CEP43: variants seen among roughly 807,000 people sequenced by gnomAD.
CEP43 encodes the protein FGFR1 oncogene partner.
In CEP43, 36 loss-of-function variants were observed where a neutral mutation model predicts 52.6. The observed-to-expected ratio is 0.68, with a 90% CI of 0.52 to 0.90. The LOEUF (loss-of-function observed/expected upper bound fraction) is 0.90, where lower values mean the gene tolerates loss of function less well. Ranked by LOEUF, CEP43 falls within the 40% of genes least tolerant of loss-of-function variation. CEP43 has a pLI of 0.00. For synonymous variants in CEP43, 192 were observed against 172.4 expected, an observed-to-expected ratio of 1.11 and a Z score of -0.89; for missense variants, 506 against 472.8, an observed-to-expected ratio of 1.07 and a Z score of -0.65.
Position 167,041,668 on chromosome 6 carries a change from G to T in CEP43, c.*1690G>T, listed in dbSNP as rs1003738466. The T allele has an allele frequency of 1.7e-5, 18 of 1,043,164 alleles. No homozygotes were observed. In the African/African-American group the frequency reaches 2.8e-4, roughly 16 times the overall value. 64.6% of individuals were successfully genotyped at this position (1,043,164 alleles called of 1,614,324 possible). A position where few individuals can be genotyped will look rare whatever the true frequency, so the allele number is the denominator to read the frequency against. The stretch of plus-strand genomic sequence containing the variant: ...GTGAAATGATTTGAAAGCATAGCAG[G>T]ATGTGGCTTTTTAAATTTATGAAAC... On this transcript the variant is annotated 3_prime_UTR_variant, in exon 13 of 13. Transcript: ENST00000366847.
In CEP43 at chr6:167,043,501, C is replaced by T. The variant is rs1780744098; in HGVS notation, c.*3523C>T. The T allele has an allele frequency of 6.6e-6, 1 of 152,032 alleles. No homozygotes were observed. The highest frequency in any genetic ancestry group is 2.1e-4 in the South Asian group (1 of 4,814). 9.4% of individuals were successfully genotyped at this position (152,032 alleles called of 1,614,324 possible). On this transcript the variant is annotated 3_prime_UTR_variant, in exon 13 of 13. Transcript: ENST00000366847. ...GTTCAAGTGATTCTCCTGCCTCAGCCTCCCAAGTAGCTGAGATTACAGGTG... is the reference window on the plus strand; with the variant it reads ...GTTCAAGTGATTCTCCTGCCTCAGCTTCCCAAGTAGCTGAGATTACAGGTG...
At chr6:167,034,721 A>G (rs992115928) in intron 12 of CEP43, among the ~76,000 whole-genome samples, 3 of 152,246 alleles carry the variant, frequency 2.0e-5, no homozygotes, top group African/African-American at 7.2e-5. Context: ...AGTCAGCAGC[A>G]TCCGTGTTTG....
In CEP43 at chr6:167,040,847, G is replaced by T; in HGVS notation, c.*869G>T. 1 of 1,024,266 alleles carries T rather than the reference G, an allele frequency of 9.8e-7. No individual in the cohort carries two copies. The highest frequency in any genetic ancestry group is 1.2e-6 in the Non-Finnish European group (1 of 852,884). The allele number at this position is 1,024,266 out of a possible 1,614,324, so 63.4% of individuals were successfully genotyped here. A position where few individuals can be genotyped will look rare whatever the true frequency, so the allele number is the denominator to read the frequency against. ...GAATGAAATAGTAGTAATGGCCTAA[G>T]ACCATGTTCAGTTTGACAAGCTTTA... On this transcript the variant is annotated 3_prime_UTR_variant, in exon 13 of 13. Transcript: ENST00000366847.
At chr6:167,008,253 C>T (rs1021721078) in intron 5 of CEP43, among the ~76,000 whole-genome samples, 1 of 151,928 alleles carries the variant, frequency 6.6e-6, no homozygotes, top group Non-Finnish European at 1.5e-5. Context: ...GAATTATACT[C>T]TTTCCCCTTC....
intron 10 of CEP43, chr6:167,028,182 CTG>C (rs1230074890): frequency 1.2e-5 from 12 of 985,314 alleles, no homozygotes; most frequent in Non-Finnish European, 1.4e-5. Flanking sequence ...GTGTTTCACT[CTG>C]TTGCCAAACC....
At chr6:167,023,893 T>C (rs1038039053) in intron 8 of CEP43, among the ~76,000 whole-genome samples, 10 of 151,890 alleles carry the variant, frequency 6.6e-5, no homozygotes, top group Admixed American at 1.3e-4. Flanking sequence ...CAGGAAAGGA[T>C]TGTAGATGAA....
chr6:167,007,838 C>T (rs1289460117), intron 5 of CEP43, among the ~76,000 whole-genome samples: 3 of 152,192 alleles, frequency 2.0e-5, no homozygotes, highest in East Asian at 3.8e-4. Context: ...ATAATTAAAG[C>T]CCTTTCTTGT....
At chr6:167,024,134 G>A (rs1451578012) in intron 8 of CEP43, among the ~76,000 whole-genome samples, 2 of 152,192 alleles carry the variant, frequency 1.3e-5, no homozygotes, top group African/African-American at 4.8e-5. Flanking sequence ...TGCTGGAAAA[G>A]TGGAGAGCGT....
chr6:167,038,764 T>C (rs1231436640), intron 12 of CEP43, among the ~76,000 whole-genome samples: 1 of 152,224 alleles, frequency 6.6e-6, no homozygotes, highest in Non-Finnish European at 1.5e-5. Flanking sequence ...AAGTATAAAG[T>C]AATACTTTAC....
intron 7 of CEP43, among the ~76,000 whole-genome samples, chr6:167,019,471 A>G (rs1780177866): frequency 6.6e-6 from 1 of 152,226 alleles, no homozygotes. Flanking sequence ...AATTAAGTTT[A>G]GTGAATTCAT....
chr6:167,024,465 C>A (rs1780308529), intron 8 of CEP43, among the ~76,000 whole-genome samples: 1 of 151,992 alleles, frequency 6.6e-6, no homozygotes, highest in South Asian at 2.1e-4. Flanking sequence ...TGTATTGTCC[C>A]TTGGCTGCAT....
At chr6:167,029,573 C>T (rs1305102281) in intron 10 of CEP43, among the ~76,000 whole-genome samples, 1 of 152,196 alleles carries the variant, frequency 6.6e-6, no homozygotes. Context: ...GATGCTTAAC[C>T]TGTATGTATT....
intron 10 of CEP43, among the ~76,000 whole-genome samples, chr6:167,031,124 G>A (rs1249485431): frequency 6.6e-6 from 1 of 152,098 alleles, no homozygotes; most frequent in Non-Finnish European, 1.5e-5. Flanking sequence ...GTCTTGCAAT[G>A]TTGCCCAGGC....
rs1056034289 is a variant in CEP43 at position 167,047,147 on chromosome 6, G to A, written c.*7169G>A. 2.0e-5 allele frequency: 3 copies of A among 152,282 alleles called. No homozygotes were observed. Among genetic ancestry groups the A allele is most frequent in the South Asian group, 4.1e-4 (2 of 4,830 alleles). 9.4% of individuals were successfully genotyped at this position (152,282 alleles called of 1,614,324 possible). A position where few individuals can be genotyped will look rare whatever the true frequency, so the allele number is the denominator to read the frequency against. ...TCTTCAGAGAGGGGATGTTCAATGC[G>A]AAATTTGAACATTGGGACCTGAAAA... On this transcript the variant is annotated 3_prime_UTR_variant, in exon 13 of 13. Transcript: ENST00000366847.
chr6:167,004,259 T>C lies in CEP43; in HGVS notation c.301-5T>C. On this transcript the variant is annotated splice_region_variant and splice_polypyrimidine_tract_variant and intron_variant, in intron 4 of 12. Transcript: ENST00000366847. ...TGTGCACTTGTATTTTAACTTCTTT[T>C]CTAGCTGCAAGGTCTCGAAGGTCGA... 1 of 1,590,862 alleles carries C rather than the reference T, an allele frequency of 6.3e-7. No homozygotes were observed. Among genetic ancestry groups the C allele is most frequent in the East Asian group, 2.2e-5 (1 of 44,618 alleles).
rs1583296172 is a variant in CEP43 at position 167,040,941 on chromosome 6, T to C, written c.*963T>C. Reference sequence around the variant, plus strand: ...ATAATAGAATTTCCACAGTCTCATTTATACGGTTAAAGCATTATTGCTATT... The same window carrying C: ...ATAATAGAATTTCCACAGTCTCATTCATACGGTTAAAGCATTATTGCTATT... On this transcript the variant is annotated 3_prime_UTR_variant, in exon 13 of 13. Coordinates refer to ENST00000366847, the MANE Select transcript of CEP43 (RefSeq NM_007045.4). 1 of 1,025,702 alleles carries C rather than the reference T, an allele frequency of 9.7e-7. No homozygotes were observed. Among genetic ancestry groups the C allele is most frequent in the East Asian group, 6.3e-5 (1 of 15,932 alleles). The allele number at this position is 1,025,702 out of a possible 1,614,324, so 63.5% of individuals were successfully genotyped here.
At position 167,004,304 on chromosome 6, in the gene CEP43, T is replaced by C; in HGVS notation, c.341T>C (p.Leu114Ser). The change falls in exon 5 of 13, where the codon TTA becomes TCA. Residue 114 changes from leucine (L) to serine (S), a missense_variant. Transcript: ENST00000366847. Reference protein sequence around the residue: ...LEGRENLARDLGIIEAEGTVG... With the variant: ...LEGRENLARDSGIIEAEGTVG... ...GGTCGAGAGAATTTAGCCCGAGATT[T>C]AGGTATAATTGAAGCAGAAGGTACT... is the stretch of plus-strand genomic sequence containing the variant. 6.2e-7 allele frequency: 1 copy of C among 1,609,788 alleles called. No individual in the cohort carries two copies. Among genetic ancestry groups the C allele is most frequent in the Non-Finnish European group, 8.5e-7 (1 of 1,177,878 alleles).
In CEP43 at chr6:167,022,562, C is replaced by T; in HGVS notation, c.733C>T (p.Pro245Ser). 6.2e-7 allele frequency: 1 copy of T among 1,614,040 alleles called. No homozygotes were observed. Among genetic ancestry groups the T allele is most frequent in the Non-Finnish European group, 8.5e-7 (1 of 1,179,980 alleles). Reference protein sequence around the residue: ...LDGKDKAGLCPDEDDMEGDSF... With the variant: ...LDGKDKAGLCSDEDDMEGDSF... ...TGGCAAAGACAAAGCTGGCCTTTGT[C>T]CAGATGAAGATGATATGGAAGGAGA... The change falls in exon 8 of 13, where the codon CCA (proline) becomes TCA (serine). Residue 245 changes from proline to serine, a missense_variant. Transcript: ENST00000366847.
chr6:167,003,424 G>A (rs1329186918), intron 3 of CEP43, 177 bp downstream of exon 3: 2 of 502,796 alleles, frequency 4.0e-6, no homozygotes, highest in Non-Finnish European at 6.9e-6. Flanking sequence ...TTTTGGATTT[G>A]GGATGTTGTT....
Sources: gnomAD v4.1 joint callset for allele counts (sites outside exome capture counted in the v4.1 genomes callset) on GRCh38, gnomAD v4.1.1 for gene constraint, MANE v1.5 for transcripts, NCBI Gene and HGNC (gene_info 2026-07-23, HGNC 2026-07-21) for gene names.